ATG2B: variants seen among roughly 807,000 people sequenced by gnomAD.
ATG2B encodes autophagy related 2B.
ATG2B carries 121 observed loss-of-function variants against 241.3 expected under a neutral mutation model. The ratio of observed to expected loss-of-function variants is 0.50; its 90% CI spans 0.43 to 0.58. The LOEUF (loss-of-function observed/expected upper bound fraction) is 0.58, where lower values mean the gene tolerates loss of function less well. Among genes scored for constraint, ATG2B ranks in the 20% least tolerant of loss-of-function variants. The pLI is 0.00. For missense variants in ATG2B, 2,306 were observed against 2,491.6 expected (o/e 0.93, Z 1.59); for synonymous variants, 858 against 876.6 (o/e 0.98, Z 0.37).
At position 96,285,639 on chromosome 14, in the gene ATG2B, G is replaced by T; in HGVS notation, c.*116C>A. The T allele has an allele frequency of 1.1e-6, 1 of 914,444 alleles. No individual in the cohort carries two copies. Among genetic ancestry groups the T allele is most frequent in the African/African-American group, 1.7e-5 (1 of 59,522 alleles). 56.6% of individuals were successfully genotyped at this position (914,444 alleles called of 1,614,324 possible). Reference sequence around the variant, plus strand: ...ATGTTAAATTATTTAACTAAAAAATGCTTTTGTTCCTGAGATGAGCACAAT... The same window carrying T: ...ATGTTAAATTATTTAACTAAAAAATTCTTTTGTTCCTGAGATGAGCACAAT... On this transcript the variant is annotated 3_prime_UTR_variant, in exon 42 of 42. Coordinates refer to ENST00000359933, the MANE Select transcript of ATG2B (RefSeq NM_018036.7). This position sits in a 1 kb window ranked among gnomAD's most constrained non-coding sequence, Gnocchi z 4.2.
At chr14:96,342,272 C>T (rs1295903924) in intron 5 of ATG2B, among the ~76,000 whole-genome samples, 1 of 151,832 alleles carries the variant, frequency 6.6e-6, no homozygotes, top group Non-Finnish European at 1.5e-5. Context: ...CTCCAAAATC[C>T]AAAACTTTTT....
At chr14:96,302,551 G>A (rs186618367) in intron 33 of ATG2B, among the ~76,000 whole-genome samples, 1 of 151,478 alleles carries the variant, frequency 6.6e-6, no homozygotes, top group Non-Finnish European at 1.5e-5. Context: ...ACTCCAGCCT[G>A]GGTCACAGAG....
chr14:96,336,123 A>G lies in ATG2B; in HGVS notation c.925-1622T>C, dbSNP rs76160153. ...GAATACATGAAACACAGACTTACAC[A>G]CTACTCAAGGGAATACTATTCAGAG... On this transcript the variant is annotated intron_variant, in intron 6 of 41. Transcript: ENST00000359933. 2.9e-3 allele frequency among the ~76,000 whole-genome samples: 445 copies of G among 151,782 alleles called. 9 individuals are homozygous for G. In the East Asian group the frequency reaches 0.06, roughly 20 times the overall value.
Position 96,299,403 on chromosome 14 carries a change from A to C in ATG2B, c.5139+2604T>G, listed in dbSNP as rs1222112445. On this transcript the variant is annotated intron_variant, in intron 34 of 41. Coordinates refer to ENST00000359933, the MANE Select transcript of ATG2B (RefSeq NM_018036.7). ...GTACTCACCACAGCACATTAAAACT[A>C]TCTCTTTTATGTCAGTCTTCTATAA... 3.3e-5 allele frequency among the ~76,000 whole-genome samples: 5 copies of C among 152,190 alleles called. No homozygotes were observed. In the East Asian group the frequency reaches 5.8e-4, roughly 18 times the overall value.
intron 34 of ATG2B, 44 bp from the exon 35 acceptor site, chr14:96,295,604 A>G (rs749316966): frequency 3.1e-6 from 4 of 1,306,376 alleles, no homozygotes; most frequent in Non-Finnish European, 4.3e-6. Context: ...GAAAAGAATC[A>G]CCTATTTCTA....
chr14:96,355,414 G>C (rs190716742), intron 1 of ATG2B, among the ~76,000 whole-genome samples: 3 of 152,220 alleles, frequency 2.0e-5, no homozygotes, highest in Admixed American at 2.0e-4. Context: ...TTTGTGTCAG[G>C]TTTGTCAAAG....
intron 29 of ATG2B, among the ~76,000 whole-genome samples, chr14:96,308,255 C>CATATATATATATATATATATATAT (rs1162236859): frequency 3.1e-4 from 9 of 29,372 alleles, no homozygotes; most frequent in Non-Finnish European, 4.9e-4. Flanking sequence ...TATATATACA[C>CATATATATATATATATATATATAT]ACATATATAT....
intron 1 of ATG2B, among the ~76,000 whole-genome samples, chr14:96,352,037 G>A (rs1888338262): frequency 6.6e-6 from 1 of 152,134 alleles, no homozygotes; most frequent in Admixed American, 6.5e-5. Flanking sequence ...AAAGCCCCAT[G>A]ATTATCTGAA....
chr14:96,288,133 G>C (rs1886388865), intron 41 of ATG2B, among the ~76,000 whole-genome samples: 1 of 151,870 alleles, frequency 6.6e-6, no homozygotes, highest in African/African-American at 2.4e-5. Flanking sequence ...TGACAGCTTA[G>C]AGAAAGAGAA....
intron 1 of ATG2B, among the ~76,000 whole-genome samples, chr14:96,351,731 G>A (rs1333362514): frequency 4.7e-5 from 6 of 128,488 alleles, no homozygotes; most frequent in East Asian, 2.1e-4. Context: ...GCAAGACTCC[G>A]TCTCAAAAAA....
At chr14:96,308,479 T>A (rs1233694342) in intron 29 of ATG2B, among the ~76,000 whole-genome samples, 3 of 134,496 alleles carry the variant, frequency 2.2e-5, no homozygotes, top group East Asian at 2.1e-4. Context: ...TTTTTTTTTT[T>A]AATTGGAGAG....
At chr14:96,304,258 A>G (rs1441041904) in intron 32 of ATG2B, among the ~76,000 whole-genome samples, 1 of 152,262 alleles carries the variant, frequency 6.6e-6, no homozygotes, top group Non-Finnish European at 1.5e-5. Flanking sequence ...GGCTTGCTCA[A>G]CTGTGAGAAC....
chr14:96,316,754 GCT>G (rs901027180), intron 20 of ATG2B, 71 bp from the exon 21 acceptor site: 1 of 1,355,124 alleles, frequency 7.4e-7, no homozygotes, highest in Non-Finnish European at 1.0e-6. Context: ...TCCTTGAGAT[GCT>G]CTTTGTTGAT....
chr14:96,300,820 A>T (rs1886769753), intron 34 of ATG2B, among the ~76,000 whole-genome samples: 1 of 152,244 alleles, frequency 6.6e-6, no homozygotes, highest in Non-Finnish European at 1.5e-5. Flanking sequence ...TCTGTACTTC[A>T]CAGTACATTT....
chr14:96,305,842 ACT>A (rs1382032426), intron 30 of ATG2B, 27 bp from the exon 31 acceptor site: 1 of 1,565,206 alleles, frequency 6.4e-7, no homozygotes, highest in East Asian at 2.2e-5. Flanking sequence ...GGTAACACAT[ACT>A]CTCTTTTCTA....
At chr14:96,322,373 A>C in intron 17 of ATG2B, 119 bp from the exon 18 acceptor site, 3 of 1,354,914 alleles carry the variant, frequency 2.2e-6, no homozygotes, top group Non-Finnish European at 3.0e-6. Context: ...GAAACATTTA[A>C]CTAGAGAAAA....
intron 6 of ATG2B, among the ~76,000 whole-genome samples, chr14:96,336,731 C>T (rs951473041): frequency 1.3e-5 from 2 of 152,126 alleles, no homozygotes; most frequent in African/African-American, 2.4e-5. Context: ...AATGCATTCC[C>T]CAGAGACATA....
chr14:96,346,267 C>T (rs1369167593), intron 2 of ATG2B, among the ~76,000 whole-genome samples: 2 of 152,062 alleles, frequency 1.3e-5, no homozygotes, highest in Non-Finnish European at 2.9e-5. Context: ...CTCCCCACAC[C>T]TCCCTACATT....
rs913597829 is a variant in ATG2B, at chr14:96,285,674, C to T, written c.*81G>A. 105 of 1,303,378 alleles carry T rather than the reference C, an allele frequency of 8.1e-5. No individual in the cohort carries two copies. Among genetic ancestry groups the T allele is most frequent in the Non-Finnish European group, 1.1e-4 (99 of 920,038 alleles). The allele number at this position is 1,303,378 out of a possible 1,614,324, so 80.7% of individuals were successfully genotyped here. On this transcript the variant is annotated 3_prime_UTR_variant, in exon 42 of 42. Transcript: ENST00000359933. This position sits in a 1 kb window ranked among gnomAD's most constrained non-coding sequence, Gnocchi z 4.2. ...CTGAGATGAGCACAATAAAATTAAA[C>T]GAGCTTCCTCTGAAGCTGCTGTCAG...
Sources: allele counts gnomAD v4.1 joint callset (sites outside exome capture counted in the v4.1 genomes callset), GRCh38; gene constraint gnomAD v4.1.1; non-coding constraint Gnocchi (gnomAD v3.1); transcripts MANE v1.5; gene names NCBI Gene and HGNC (gene_info 2026-07-23, HGNC 2026-07-21).